Variants in DLG2 observed in about 807,000 individuals in gnomAD.
The protein encoded by DLG2 is discs large MAGUK scaffold protein 2.
DLG2 carries 45 observed loss-of-function variants against 132.5 expected under a neutral mutation model. The observed-to-expected ratio is 0.34, with a 90% CI of 0.27 to 0.44. The LOEUF is 0.44. Ranked by LOEUF, DLG2 falls within the 20% of genes least tolerant of loss-of-function variation. The pLI, the probability that DLG2 is intolerant of heterozygous loss-of-function variation, is 1.00. For missense variants in DLG2, 1,045 were observed against 1,196.9 expected (o/e 0.87, Z 1.87); for synonymous variants, 424 against 419.6 (o/e 1.01, Z -0.13).
At chr11:84,883,218 C>T (rs1024484391) in intron 6 of DLG2, among the ~76,000 whole-genome samples, 7 of 151,824 alleles carry the variant, frequency 4.6e-5, no homozygotes, top group Admixed American at 4.6e-4. Context: ...AACAGAAAAC[C>T]AAACACCGCA....
chr11:85,306,901 G>A (rs1401356953), intron 3 of DLG2, among the ~76,000 whole-genome samples: 1 of 152,126 alleles, frequency 6.6e-6, no homozygotes, highest in African/African-American at 2.4e-5. Flanking sequence ...TAACCTGGAA[G>A]ACTGAAGACT....
intron 12 of DLG2, among the ~76,000 whole-genome samples, chr11:83,968,824 T>C (rs2090757834): frequency 6.6e-6 from 1 of 152,212 alleles, no homozygotes; most frequent in Admixed American, 6.5e-5. Flanking sequence ...ACAAGGTCCT[T>C]GCTTTCATGA....
At chr11:84,700,955 C>T (rs1314635015) in intron 6 of DLG2, among the ~76,000 whole-genome samples, 1 of 151,428 alleles carries the variant, frequency 6.6e-6, no homozygotes, top group Non-Finnish European at 1.5e-5. Flanking sequence ...ATGTACCGGT[C>T]CTTGATCCTG....
At chr11:83,682,105 C>T (rs1410300190) in intron 18 of DLG2, 3 of 983,966 alleles carry the variant, frequency 3.0e-6, no homozygotes, top group Non-Finnish European at 3.6e-6. Context: ...ACTATGGGTA[C>T]GTTTGCCAAG....
chr11:83,480,639 G>A (rs867282337), intron 22 of DLG2: 8 of 1,554,626 alleles, frequency 5.1e-6, no homozygotes, highest in Non-Finnish European at 7.0e-6. Flanking sequence ...TTTAGCAAAT[G>A]AAGAAAGTAT....
At chr11:83,527,832 A>T (rs915440230) in intron 21 of DLG2, among the ~76,000 whole-genome samples, 16 of 152,194 alleles carry the variant, frequency 1.1e-4, no homozygotes, top group African/African-American at 3.1e-4. Context: ...GAAGTTTGGC[A>T]TAAATCACTA....
chr11:83,869,237 C>T (rs1014250887), intron 16 of DLG2, among the ~76,000 whole-genome samples: 10 of 151,824 alleles, frequency 6.6e-5, no homozygotes, highest in South Asian at 2.1e-4. Flanking sequence ...CATCTGAGTA[C>T]TTAGAGGAAA....
intron 11 of DLG2, among the ~76,000 whole-genome samples, chr11:84,000,691 AG>A (rs1310881554): frequency 6.6e-6 from 1 of 152,152 alleles, no homozygotes; most frequent in Non-Finnish European, 1.5e-5. Context: ...ACCGGGCAGG[AG>A]GAAATGCAAT....
intron 7 of DLG2, among the ~76,000 whole-genome samples, chr11:84,372,158 T>G (rs1330508601): frequency 1.3e-5 from 2 of 152,226 alleles, no homozygotes; most frequent in African/African-American, 4.8e-5. Flanking sequence ...ATAGGTGCAT[T>G]AAAGTATTGT....
chr11:85,104,209 G>A (rs888106303), intron 6 of DLG2, among the ~76,000 whole-genome samples: 3 of 151,796 alleles, frequency 2.0e-5, no homozygotes, highest in African/African-American at 7.3e-5. Context: ...TCATTCCTAG[G>A]CATATACCCA....
At chr11:84,500,813 A>T (rs1439034856) in intron 7 of DLG2, among the ~76,000 whole-genome samples, 1 of 152,202 alleles carries the variant, frequency 6.6e-6, no homozygotes, top group East Asian at 1.9e-4. Flanking sequence ...AAATATTGAG[A>T]TCATGTCTCA....
At chr11:84,950,031 C>T (rs995769725) in intron 6 of DLG2, among the ~76,000 whole-genome samples, 10 of 152,214 alleles carry the variant, frequency 6.6e-5, no homozygotes, top group African/African-American at 2.2e-4. Flanking sequence ...AATCCACGTT[C>T]TTCTGCCATG....
chr11:84,613,333 G>A (rs1246745558), intron 6 of DLG2, among the ~76,000 whole-genome samples: 1 of 152,076 alleles, frequency 6.6e-6, no homozygotes, highest in Non-Finnish European at 1.5e-5. Context: ...TCATCAAGGA[G>A]ACACTCCATT....
At chr11:84,408,113 C>T (rs754406436) in intron 7 of DLG2, among the ~76,000 whole-genome samples, 24 of 151,964 alleles carry the variant, frequency 1.6e-4, no homozygotes, top group East Asian at 9.7e-4. Context: ...CCAATGAGCT[C>T]GGAAAAGATG....
Position 84,059,419 on chromosome 11 carries a change from A to G in DLG2, c.815T>C (p.Val272Ala). The change falls in exon 11 of 28, where the codon GTG becomes GCG. Residue 272 changes from valine (V) to alanine (A), a missense_variant. Val to Ala is a moderately conservative substitution (Grantham distance 64, BLOSUM62 0). Around this residue, in one of 4 missense-constraint regions of DLG2, gnomAD observed 109 missense variants for 159.1 expected, o/e 0.69. Transcript: ENST00000376104. ...AGACCCTGCTTCCTTCAGGGCTTCCACCGCTTTACTGTGGGAAACCTCTGA... is the reference window on the plus strand; with the variant it reads ...AGACCCTGCTTCCTTCAGGGCTTCCGCCGCTTTACTGTGGGAAACCTCTGA... ...DVSEVSHSKA[V>A]EALKEAGSIV... The G allele has an allele frequency of 6.2e-7, 1 of 1,613,482 alleles. No homozygotes were observed. Among genetic ancestry groups the G allele is most frequent in the Non-Finnish European group, 8.5e-7 (1 of 1,179,736 alleles).
intron 18 of DLG2, among the ~76,000 whole-genome samples, chr11:83,715,722 G>C (rs1247056798): frequency 6.6e-6 from 1 of 152,124 alleles, no homozygotes; most frequent in African/African-American, 2.4e-5. Flanking sequence ...GTCCTTCCTA[G>C]CAATCCAGGC....
intron 3 of DLG2, among the ~76,000 whole-genome samples, chr11:85,340,588 C>A (rs533319744): frequency 6.6e-6 from 1 of 152,102 alleles, no homozygotes; most frequent in African/African-American, 2.4e-5. Flanking sequence ...TGTATACCTA[C>A]GTATCAAACC....
At chr11:84,802,150 G>C (rs2075468852) in intron 6 of DLG2, among the ~76,000 whole-genome samples, 6 of 151,248 alleles carry the variant, frequency 4.0e-5, no homozygotes, top group Admixed American at 4.0e-4. Context: ...CAGGCAGCCT[G>C]GGGATTCTAG....
intron 6 of DLG2, among the ~76,000 whole-genome samples, chr11:84,823,793 G>T (rs2078001932): frequency 6.6e-6 from 1 of 151,720 alleles, no homozygotes; most frequent in Admixed American, 6.6e-5. Flanking sequence ...TTTGAATAGT[G>T]TCTAGCTCAT....
Sources: gnomAD v4.1 joint callset for allele counts (sites outside exome capture counted in the v4.1 genomes callset) on GRCh38, gnomAD v4.1.1 for gene constraint, gnomAD v4.1.1 regional missense constraint, MANE v1.5 for transcripts, NCBI Gene and HGNC (gene_info 2026-07-23, HGNC 2026-07-21) for gene names.